RTTN: variants seen among roughly 807,000 people sequenced by gnomAD.
The protein encoded by RTTN is rotatin.
In RTTN, 182 loss-of-function variants were observed where a neutral mutation model predicts 269.2. The ratio of observed to expected loss-of-function variants is 0.68; its 90% CI spans 0.60 to 0.76. RTTN has a LOEUF of 0.76. Among genes scored for constraint, RTTN ranks in the 30% least tolerant of loss-of-function variants. RTTN has a pLI of 0.00. For missense variants in RTTN, 2,545 were observed against 2,608.6 expected (o/e 0.98, Z 0.53); for synonymous variants, 1,006 against 963.5 (o/e 1.04, Z -0.82).
At chr18:70,124,755 C>G (rs879459739) in intron 25 of RTTN, among the ~76,000 whole-genome samples, 1 of 152,046 alleles carries the variant, frequency 6.6e-6, no homozygotes, top group Non-Finnish European at 1.5e-5. Flanking sequence ...AGAGAACCCA[C>G]AGGTGACATG....
chr18:70,018,781 A>C (rs1183116219), intron 45 of RTTN, among the ~76,000 whole-genome samples: 1 of 151,614 alleles, frequency 6.6e-6, no homozygotes, highest in African/African-American at 2.4e-5. Context: ...AAGGGTGATA[A>C]AGCAGATGTC....
chr18:70,158,043 A>C (rs1007475057), intron 14 of RTTN, among the ~76,000 whole-genome samples: 2 of 152,192 alleles, frequency 1.3e-5, no homozygotes, highest in African/African-American at 4.8e-5. Flanking sequence ...ATTTTCCACG[A>C]AAATTTCTCC....
chr18:70,019,040 C>T (rs1199974377), intron 45 of RTTN, among the ~76,000 whole-genome samples: 1 of 151,932 alleles, frequency 6.6e-6, no homozygotes, highest in Non-Finnish European at 1.5e-5. Flanking sequence ...TGTCTGGGCT[C>T]ATTATTACTT....
chr18:70,017,725 T>G, intron 45 of RTTN, 51 bp from the exon 46 acceptor site: 2 of 1,490,784 alleles, frequency 1.3e-6, no homozygotes, highest in Non-Finnish European at 1.8e-6. Flanking sequence ...TTTCATTATT[T>G]TCCTAGTCCC....
Position 70,139,717 on chromosome 18 carries a change from C to G in RTTN, c.2671-1G>C. 3 of 1,587,106 alleles carry G rather than the reference C, an allele frequency of 1.9e-6. No homozygotes were observed. The highest frequency in any genetic ancestry group is 2.6e-6 in the Non-Finnish European group (3 of 1,156,718). The stretch of plus-strand genomic sequence containing the variant: ...ATGGTTGTACCAAACATTCTACAAC[C>G]TGGGCCAGGAGGAAAAACACAGCTT... On this transcript the variant is annotated splice_acceptor_variant, in intron 20 of 48. Transcript: ENST00000640769. LOFTEE classifies it high-confidence loss of function.
At chr18:70,069,244 T>G (rs2058231688) in intron 34 of RTTN, among the ~76,000 whole-genome samples, 1 of 152,190 alleles carries the variant, frequency 6.6e-6, no homozygotes, top group Non-Finnish European at 1.5e-5. Flanking sequence ...GACAGATGTG[T>G]TAACTAATTT....
At chr18:70,126,551 T>C (rs1273398867) in intron 25 of RTTN, among the ~76,000 whole-genome samples, 1 of 152,154 alleles carries the variant, frequency 6.6e-6, no homozygotes, top group East Asian at 1.9e-4. Context: ...TACATACCCC[T>C]GTAGTGCATA....
chr18:70,103,631 G>C (rs1371136431), intron 28 of RTTN, among the ~76,000 whole-genome samples: 1 of 151,990 alleles, frequency 6.6e-6, no homozygotes, highest in South Asian at 2.1e-4. Context: ...GAAGGCCACA[G>C]GGACCTCTGC....
chr18:70,046,657 A>G (rs2057499500), intron 40 of RTTN, among the ~76,000 whole-genome samples: 1 of 152,190 alleles, frequency 6.6e-6, no homozygotes, highest in African/African-American at 2.4e-5. Context: ...ATTTGAGTGA[A>G]CTGACAGTGA....
intron 40 of RTTN, among the ~76,000 whole-genome samples, chr18:70,038,556 T>C (rs2057244959): frequency 6.6e-6 from 1 of 152,196 alleles, no homozygotes; most frequent in Non-Finnish European, 1.5e-5. Flanking sequence ...GTTATTGGGC[T>C]TAAGGTCCAA....
chr18:70,077,813 T>C (rs2058466564), intron 32 of RTTN, among the ~76,000 whole-genome samples: 1 of 151,856 alleles, frequency 6.6e-6, no homozygotes, highest in Admixed American at 6.6e-5. Context: ...AAAAATTATT[T>C]AGCCTACCAA....
At chr18:70,106,462 T>C (rs1210704269) in intron 28 of RTTN, among the ~76,000 whole-genome samples, 3 of 152,200 alleles carry the variant, frequency 2.0e-5, no homozygotes, top group Non-Finnish European at 4.4e-5. Flanking sequence ...GTATCCAACC[T>C]TGGAAGAATA....
At chr18:70,175,359 A>T (rs2061264034) in intron 11 of RTTN, among the ~76,000 whole-genome samples, 1 of 152,160 alleles carries the variant, frequency 6.6e-6, no homozygotes, top group Non-Finnish European at 1.5e-5. Context: ...TGTGAAAGAC[A>T]CCTAAAGCAA....
At chr18:70,181,208 G>C (rs1326488217) in intron 10 of RTTN, among the ~76,000 whole-genome samples, 2 of 152,146 alleles carry the variant, frequency 1.3e-5, no homozygotes, top group East Asian at 3.9e-4. Context: ...AGGTCAGATG[G>C]GAATTTAGAA....
At chr18:70,059,005 T>C (rs1419631436) in intron 36 of RTTN, among the ~76,000 whole-genome samples, 1 of 152,182 alleles carries the variant, frequency 6.6e-6, no homozygotes, top group Non-Finnish European at 1.5e-5. Context: ...AGATGGTGTA[T>C]GTTCAAAGGT....
chr18:70,036,905 C>A (rs2057191038), intron 40 of RTTN, among the ~76,000 whole-genome samples: 1 of 152,202 alleles, frequency 6.6e-6, no homozygotes, highest in Non-Finnish European at 1.5e-5. Flanking sequence ...GAGATATAGT[C>A]TTGAATCACC....
chr18:70,190,666 A>T lies in RTTN; in HGVS notation c.1061T>A (p.Leu354Ter), dbSNP rs2061649656. Residue 354 changes from leucine to a stop codon, truncating the protein, a stop_gained, in exon 9 of 49, where the codon TTG becomes TAG. Coordinates refer to ENST00000640769, the MANE Select transcript of RTTN (RefSeq NM_173630.4). LOFTEE classifies it high-confidence loss of function. ...TGGCAGATCTATGTGTCCCATATCCAAAGGTGAATGAACGGATATCCTGGA... is the reference window on the plus strand; with the variant it reads ...TGGCAGATCTATGTGTCCCATATCCTAAGGTGAATGAACGGATATCCTGGA... ...VNSRISVHSP[L>*]DMGHIDLPEL... 1 of 1,613,316 alleles carries T rather than the reference A, an allele frequency of 6.2e-7. No homozygotes were observed. Among genetic ancestry groups the T allele is most frequent in the Non-Finnish European group, 8.5e-7 (1 of 1,179,266 alleles).
In RTTN at chr18:70,142,326, C is replaced by A; in HGVS notation, c.2543G>T (p.Arg848Ile). Residue 848 changes from arginine (R) to isoleucine (I), a missense_variant, in exon 19 of 49, where the codon AGA (arginine) becomes ATA (isoleucine). By Grantham distance (97) the Arg-to-Ile change is moderately conservative. Transcript: ENST00000640769. ...FTSDDVDLVL[R>I]KSAAEQLAVI... is the part of the protein sequence containing the mutation. Reference sequence around the variant, plus strand: ...AGCTAACTGTTCAGCAGCTGACTTTCTCAAAACGAGATCAACATCATCTGA... The same window carrying A: ...AGCTAACTGTTCAGCAGCTGACTTTATCAAAACGAGATCAACATCATCTGA... 6.2e-7 allele frequency: 1 copy of A among 1,609,664 alleles called. No individual in the cohort carries two copies. Among genetic ancestry groups the A allele is most frequent in the Non-Finnish European group, 8.5e-7 (1 of 1,178,468 alleles).
Position 70,121,565 on chromosome 18 carries a change from A to G in RTTN, c.3519T>C (p.Leu1173=). ...CCTTAACACCACTTACATGTCTAAG[A>G]AGTAATTCGAGAATCCAGTTTAGAA... The part of the protein sequence containing the change: ...LELLNWILEL[L]LRHSANPLLD... The change falls in exon 26 of 49, where the codon CTT becomes CTC. Residue 1173 remains leucine (L), a synonymous_variant. Coordinates refer to ENST00000640769, the MANE Select transcript of RTTN (RefSeq NM_173630.4). 6.4e-7 allele frequency: 1 copy of G among 1,565,514 alleles called. No homozygotes were observed. Among genetic ancestry groups the G allele is most frequent in the Non-Finnish European group, 8.6e-7 (1 of 1,165,936 alleles).
Sources: allele counts gnomAD v4.1 joint callset (sites outside exome capture counted in the v4.1 genomes callset), GRCh38; gene constraint gnomAD v4.1.1; transcripts MANE v1.5; gene names NCBI Gene and HGNC (gene_info 2026-07-23, HGNC 2026-07-21).